Variants in CRPPA observed in about 807,000 individuals in gnomAD.
CRPPA encodes the protein CDP-L-ribitol pyrophosphorylase A, also known as D-ribitol-5-phosphate cytidylyltransferase.
CRPPA carries 43 observed loss-of-function variants against 52.0 expected under a neutral mutation model. That is an observed-to-expected ratio of 0.83 (90% CI 0.65 to 1.07). The LOEUF is 1.07. CRPPA is among the 50% of genes least tolerant of loss of function. CRPPA has a pLI of 0.00. For missense variants in CRPPA, 629 were observed against 551.7 expected (o/e 1.14, Z -1.40); for synonymous variants, 250 against 203.5 (o/e 1.23, Z -1.94).
intron 6 of CRPPA, among the ~76,000 whole-genome samples, chr7:16,270,983 C>CA: frequency 6.6e-6 from 1 of 151,588 alleles, no homozygotes; most frequent in Admixed American, 6.6e-5. Context: ...ATACACTGGA[C>CA]ACAACCTTGA....
intron 6 of CRPPA, among the ~76,000 whole-genome samples, chr7:16,273,439 G>A (rs556648493): frequency 1.5e-4 from 23 of 152,022 alleles, no homozygotes; most frequent in Non-Finnish European, 2.6e-4. Context: ...ACTTCAGAGG[G>A]ACAGCTTGAA....
At chr7:16,245,747 T>A (rs1018779180) in intron 8 of CRPPA, among the ~76,000 whole-genome samples, 1 of 152,188 alleles carries the variant, frequency 6.6e-6, no homozygotes, top group African/African-American at 2.4e-5. Context: ...CACAATGAAA[T>A]GAGTCACAAG....
At chr7:16,160,800 G>A (rs1027871203) in intron 9 of CRPPA, among the ~76,000 whole-genome samples, 7 of 152,158 alleles carry the variant, frequency 4.6e-5, no homozygotes, top group Non-Finnish European at 7.4e-5. Context: ...CAATGAGCAC[G>A]GAATGTTTTT....
chr7:16,099,616 G>A (rs1197214194), intron 9 of CRPPA, among the ~76,000 whole-genome samples: 1 of 152,120 alleles, frequency 6.6e-6, no homozygotes. Context: ...GAGTAGGAAA[G>A]ACACAAACTA....
intron 6 of CRPPA, 34 bp downstream of exon 6, chr7:16,278,095 C>G: frequency 2.6e-6 from 3 of 1,137,950 alleles, no homozygotes; most frequent in Non-Finnish European, 3.9e-6. Context: ...TTTTGGCAAT[C>G]AAAGTTTATC....
At chr7:16,280,643 C>T (rs753437240) in intron 5 of CRPPA, among the ~76,000 whole-genome samples, 10 of 152,098 alleles carry the variant, frequency 6.6e-5, no homozygotes, top group South Asian at 2.1e-4. Context: ...AAATTCTAAG[C>T]GCTACCCAAC....
chr7:16,125,257 C>CAAAA (rs11323226), intron 9 of CRPPA, among the ~76,000 whole-genome samples: 8 of 67,726 alleles, frequency 1.2e-4, no homozygotes, highest in African/African-American at 1.7e-4. Context: ...GAGACTGTCT[C>CAAAA]AAAAAAAAAA....
At chr7:16,402,622 A>G (rs1787847890) in intron 2 of CRPPA, among the ~76,000 whole-genome samples, 1 of 152,156 alleles carries the variant, frequency 6.6e-6, no homozygotes, top group Non-Finnish European at 1.5e-5. Flanking sequence ...ATCGTACATG[A>G]TAAGGGACAA....
chr7:16,351,405 C>T (rs1389054588), intron 3 of CRPPA, among the ~76,000 whole-genome samples: 1 of 152,110 alleles, frequency 6.6e-6, no homozygotes, highest in African/African-American at 2.4e-5. Context: ...CCAGACTTCA[C>T]AAATGGGATC....
At chr7:16,371,320 T>C (rs1170891766) in intron 3 of CRPPA, among the ~76,000 whole-genome samples, 1 of 152,028 alleles carries the variant, frequency 6.6e-6, no homozygotes, top group Non-Finnish European at 1.5e-5. Context: ...TGAGATAAGC[T>C]TCAAGAGATT....
chr7:16,111,674 A>C (rs1313272122), intron 9 of CRPPA, among the ~76,000 whole-genome samples: 1 of 152,192 alleles, frequency 6.6e-6, no homozygotes, highest in African/African-American at 2.4e-5. Context: ...GACACAGAAG[A>C]CAAATATCAC....
At chr7:16,140,498 T>C (rs138607903) in intron 9 of CRPPA, among the ~76,000 whole-genome samples, 29 of 152,332 alleles carry the variant, frequency 1.9e-4, no homozygotes, top group African/African-American at 6.5e-4. Flanking sequence ...TATGGCGGTA[T>C]ATGCTTTAGT....
intron 9 of CRPPA, among the ~76,000 whole-genome samples, chr7:16,159,749 CTA>C (rs1045784419): frequency 5.7e-4 from 87 of 152,196 alleles, no homozygotes; most frequent in African/African-American, 2.0e-3. Context: ...GGGTCAAATG[CTA>C]TTTCTACTTT....
chr7:16,139,094 G>A (rs766113202), intron 9 of CRPPA, among the ~76,000 whole-genome samples: 2 of 152,054 alleles, frequency 1.3e-5, no homozygotes, highest in South Asian at 2.1e-4. Flanking sequence ...GAGCTACCAC[G>A]CCTGGCCAAT....
chr7:16,373,153 C>A (rs188297317), intron 3 of CRPPA, among the ~76,000 whole-genome samples: 31 of 151,912 alleles, frequency 2.0e-4, no homozygotes, highest in African/African-American at 6.8e-4. Context: ...AAAATTAGCC[C>A]GGCATGGTGG....
intron 9 of CRPPA, among the ~76,000 whole-genome samples, chr7:16,128,724 A>G (rs1308944544): frequency 6.6e-6 from 1 of 152,204 alleles, no homozygotes; most frequent in East Asian, 1.9e-4. Flanking sequence ...CCTAATAACA[A>G]ACCACTTCAG....
intron 9 of CRPPA, chr7:16,209,212 A>T (rs879041689): frequency 5.1e-5 from 16 of 314,648 alleles, no homozygotes; most frequent in Admixed American, 1.7e-4. Flanking sequence ...CAAAAGATGC[A>T]AGCATTTTGA....
At chr7:16,407,715 G>A (rs749550773) in intron 1 of CRPPA, among the ~76,000 whole-genome samples, 31 of 152,120 alleles carry the variant, frequency 2.0e-4, no homozygotes, top group Non-Finnish European at 3.5e-4. Flanking sequence ...GTAGCTAAAA[G>A]AAGACTACAC....
At chr7:16,254,893 C>T (rs572252375) in intron 8 of CRPPA, among the ~76,000 whole-genome samples, 53 of 152,070 alleles carry the variant, frequency 3.5e-4, no homozygotes, top group African/African-American at 1.3e-3. Flanking sequence ...GATAAGGATG[C>T]CCCCTCTCAC....
Sources: allele counts gnomAD v4.1 joint callset (sites outside exome capture counted in the v4.1 genomes callset), GRCh38; gene constraint gnomAD v4.1.1; transcripts MANE v1.5; gene names NCBI Gene and HGNC (gene_info 2026-07-23, HGNC 2026-07-21).